PLS1: variants seen among roughly 807,000 people sequenced by gnomAD.
The protein encoded by PLS1 is plastin 1.
Under a neutral mutation model 73.7 loss-of-function variants are expected in PLS1, and 32 were observed. The ratio of observed to expected loss-of-function variants is 0.43; its 90% confidence interval spans 0.33 to 0.58. The LOEUF is 0.58. PLS1 is among the 20% of genes least tolerant of loss of function. The probability of loss-of-function intolerance (pLI) is 0.04; values close to 1 mark genes in which losing one functional copy is unlikely to be tolerated. For synonymous variants in PLS1, 217 were observed against 261.3 expected, an observed-to-expected ratio of 0.83 and a Z score of 1.63; for missense variants, 633 against 740.5, an observed-to-expected ratio of 0.85 and a Z score of 1.68.
chr3:142,711,200 T>C (rs1377947875), intron 14 of PLS1, among the ~76,000 whole-genome samples: 2 of 152,184 alleles, frequency 1.3e-5, no homozygotes, highest in Non-Finnish European at 2.9e-5. Flanking sequence ...AAAATTCATC[T>C]ATTCCCTTTC....
chr3:142,637,236 C>G (rs964995556), intron 1 of PLS1, among the ~76,000 whole-genome samples: 1 of 152,132 alleles, frequency 6.6e-6, no homozygotes, highest in Non-Finnish European at 1.5e-5. Context: ...AAATACACAA[C>G]ATAGATCTCA....
rs765677474 is a variant in PLS1 at position 142,711,936 on chromosome 3, G to C, written c.1819G>C (p.Glu607Gln). The C allele has an allele frequency of 7.6e-5, 122 of 1,613,392 alleles. No individual in the cohort carries two copies. Among genetic ancestry groups the C allele is most frequent in the Non-Finnish European group, 6.8e-6 (8 of 1,179,352 alleles). ...ATATGCATTACCTGATGACCTCGTA[G>C]AAGTGAAACCAAAGATGGTTATGAC... The part of the protein sequence containing the change: ...RIYALPDDLV[E>Q]VKPKMVMTVF... The change falls in exon 16 of 16, where the codon GAA becomes CAA. Residue 607 changes from glutamate to glutamine, a missense_variant. Transcript: ENST00000457734.
At chr3:142,658,260 G>A (rs796784318) in intron 1 of PLS1, among the ~76,000 whole-genome samples, 10 of 152,182 alleles carry the variant, frequency 6.6e-5, no homozygotes, top group African/African-American at 1.4e-4. Context: ...ATCACTTGAG[G>A]TCAGGAGTTA....
rs532203940 is a variant in PLS1 at position 142,658,416 on chromosome 3, C to T, written c.-36-5786C>T. ...GCTTAAACCTGGGAGGCAGAGGCTG[C>T]GGTGAGCTGAGATCATGCCACTGCA... is the stretch of plus-strand genomic sequence containing the variant. On this transcript the variant is annotated intron_variant, in intron 1 of 15. Coordinates refer to ENST00000457734, the MANE Select transcript of PLS1 (RefSeq NM_001145319.2). 7.3e-5 allele frequency among the ~76,000 whole-genome samples: 11 copies of T among 149,702 alleles called. No homozygotes were observed. The South Asian group carries it at 1.5e-3, about 20-fold the overall frequency.
intron 1 of PLS1, among the ~76,000 whole-genome samples, chr3:142,603,125 T>C (rs1363377882): frequency 6.6e-6 from 1 of 152,262 alleles, no homozygotes; most frequent in Non-Finnish European, 1.5e-5. Context: ...TTTTGATTGC[T>C]GGAAACTTTG....
chr3:142,702,082 A>G (rs1328807482), intron 12 of PLS1, among the ~76,000 whole-genome samples: 1 of 152,216 alleles, frequency 6.6e-6, no homozygotes, highest in Admixed American at 6.5e-5. Flanking sequence ...GGGTTTCACT[A>G]TGGTGCCCAG....
At chr3:142,600,913 TA>T (rs2035912112) in intron 1 of PLS1, among the ~76,000 whole-genome samples, 19 of 28,678 alleles carry the variant, frequency 6.6e-4, no homozygotes, top group East Asian at 2.1e-3. Flanking sequence ...TATATATATA[TA>T]TATTTTTTTT....
rs77716685 is a variant in PLS1, at chr3:142,601,875, C to G, written c.-37+5366C>G. 2.0e-5 allele frequency among the ~76,000 whole-genome samples: 3 copies of G among 152,250 alleles called. No homozygotes were observed. The East Asian group carries it at 5.8e-4, about 29-fold the overall frequency. ...TAGAGAGATAGATAAAAGCATTTAT[C>G]TGAGGTCATATAGTTTACAAGTGGC... On this transcript the variant is annotated intron_variant, in intron 1 of 15. Coordinates refer to ENST00000457734, the MANE Select transcript of PLS1 (RefSeq NM_001145319.2).
chr3:142,602,803 G>A (rs545817021), intron 1 of PLS1, among the ~76,000 whole-genome samples: 1 of 127,212 alleles, frequency 7.9e-6, no homozygotes, highest in South Asian at 2.4e-4. Context: ...GTGGTTCTGT[G>A]TTCCCAGGAT....
intron 10 of PLS1, among the ~76,000 whole-genome samples, chr3:142,692,093 A>G (rs1253286987): frequency 1.3e-5 from 2 of 152,154 alleles, no homozygotes; most frequent in African/African-American, 4.8e-5. Context: ...AAATGTGATC[A>G]TGAATGGAAG....
chr3:142,629,366 C>CT (rs1470474778), intron 1 of PLS1, among the ~76,000 whole-genome samples: 1 of 152,046 alleles, frequency 6.6e-6, no homozygotes, highest in Non-Finnish European at 1.5e-5. Flanking sequence ...CCATGCCCGG[C>CT]TAATTTTTGT....
intron 14 of PLS1, among the ~76,000 whole-genome samples, chr3:142,707,502 A>G (rs555640463): frequency 1.3e-5 from 2 of 152,358 alleles, no homozygotes; most frequent in East Asian, 3.9e-4. Flanking sequence ...GGTGAGCATT[A>G]GAGAAGTTAA....
chr3:142,649,100 T>C (rs13080785), intron 1 of PLS1, among the ~76,000 whole-genome samples: 97,224 of 151,896 alleles, frequency 0.64, 31,711 homozygotes, highest in African/African-American at 0.72. Context: ...TTGCCCTGCC[T>C]TGCCTCATGT....
intron 6 of PLS1, 36 bp from the exon 7 acceptor site, chr3:142,683,970 A>C: frequency 6.6e-7 from 1 of 1,503,766 alleles, no homozygotes; most frequent in African/African-American, 1.4e-5. Context: ...CTTAGAAAGG[A>C]CTTCCTCATG....
intron 1 of PLS1, among the ~76,000 whole-genome samples, chr3:142,620,699 C>A (rs2036299089): frequency 6.6e-6 from 1 of 152,088 alleles, no homozygotes; most frequent in Non-Finnish European, 1.5e-5. Context: ...AATACTTACG[C>A]CTCAAATATT....
intron 1 of PLS1, among the ~76,000 whole-genome samples, chr3:142,619,089 A>G (rs1019903243): frequency 5.3e-5 from 8 of 152,172 alleles, no homozygotes; most frequent in African/African-American, 1.9e-4. Flanking sequence ...ACTTAACTGG[A>G]TATCTTTCTA....
At chr3:142,667,097 G>A (rs2037494541) in intron 2 of PLS1, among the ~76,000 whole-genome samples, 1 of 152,096 alleles carries the variant, frequency 6.6e-6, no homozygotes, top group Non-Finnish European at 1.5e-5. Context: ...AATGACATTA[G>A]TAACCACCTC....
chr3:142,698,912 A>G (rs1171724682), intron 12 of PLS1, among the ~76,000 whole-genome samples: 1 of 152,218 alleles, frequency 6.6e-6, no homozygotes, highest in African/African-American at 2.4e-5. Context: ...ACACAAGAAA[A>G]CAACCTAGTT....
At chr3:142,668,948 G>A (rs1158795422) in intron 2 of PLS1, among the ~76,000 whole-genome samples, 1 of 152,052 alleles carries the variant, frequency 6.6e-6, no homozygotes, top group Non-Finnish European at 1.5e-5. Context: ...CTAAAACTGG[G>A]TTTTCTATCA....
Sources: allele counts gnomAD v4.1 joint callset (sites outside exome capture counted in the v4.1 genomes callset), GRCh38; gene constraint gnomAD v4.1.1; transcripts MANE v1.5; gene names NCBI Gene and HGNC (gene_info 2026-07-23, HGNC 2026-07-21).